Variants in SLC9B2 observed in about 807,000 individuals in gnomAD.
The protein encoded by SLC9B2 is sodium/hydrogen exchanger 9B2.
SLC9B2 carries 39 observed loss-of-function variants against 52.2 expected under a neutral mutation model. The ratio of observed to expected loss-of-function variants is 0.75; its 90% CI spans 0.58 to 0.98. The LOEUF (loss-of-function observed/expected upper bound fraction) is 0.98, where lower values mean the gene tolerates loss of function less well. SLC9B2 is among the 50% of genes least tolerant of loss of function. The probability of loss-of-function intolerance (pLI) is 0.00; values close to 1 mark genes in which losing one functional copy is unlikely to be tolerated. For synonymous variants in SLC9B2, 214 were observed against 227.0 expected (o/e 0.94, Z 0.51); for missense variants, 626 against 637.5 (o/e 0.98, Z 0.19).
chr4:103,046,971 C>A, intron 7 of SLC9B2, 80 bp downstream of exon 7: 1 of 1,483,002 alleles, frequency 6.7e-7, no homozygotes, highest in African/African-American at 1.4e-5. Context: ...AATTATCAAG[C>A]AAATATGTCA....
At chr4:103,021,567 C>G (rs1741793484), downstream of SLC9B2, among the ~76,000 whole-genome samples, 1 of 152,040 alleles carries the variant, frequency 6.6e-6, no homozygotes, top group Non-Finnish European at 1.5e-5. Context: ...ATATTTGCAA[C>G]AAAGTCATGG....
chr4:103,049,037 G>T lies in SLC9B2; in HGVS notation c.586-17C>A. On this transcript the variant is annotated splice_polypyrimidine_tract_variant and intron_variant, in intron 5 of 11. Transcript: ENST00000394785. ...CTTCAGGGCCTGAAATAGAAAAGTA[G>T]ACATCCTAATATAATCCTCTGAAGA... is the stretch of plus-strand genomic sequence containing the variant. The T allele has an allele frequency of 1.2e-6, 2 of 1,611,674 alleles. No individual in the cohort carries two copies. Among genetic ancestry groups the T allele is most frequent in the Non-Finnish European group, 8.5e-7 (1 of 1,178,794 alleles).
downstream of SLC9B2, among the ~76,000 whole-genome samples, chr4:103,021,365 T>G (rs184070259): frequency 3.3e-5 from 5 of 152,260 alleles, no homozygotes; most frequent in East Asian, 9.7e-4. Flanking sequence ...CCAAATGCCA[T>G]GAAGCAATTC....
At chr4:103,036,551 AC>A (rs1743192618) in intron 9 of SLC9B2, among the ~76,000 whole-genome samples, 1 of 152,206 alleles carries the variant, frequency 6.6e-6, no homozygotes, top group Non-Finnish European at 1.5e-5. Flanking sequence ...CATGGGCAAA[AC>A]ATATGCACAA....
At chr4:103,059,685 G>A (rs1181683137) in intron 3 of SLC9B2, among the ~76,000 whole-genome samples, 3 of 152,010 alleles carry the variant, frequency 2.0e-5, no homozygotes, top group Non-Finnish European at 4.4e-5. Flanking sequence ...ATTGCTTGAC[G>A]ATACAAAATA....
At chr4:103,057,252 A>ATATATGTG (rs1428609782) in intron 4 of SLC9B2, among the ~76,000 whole-genome samples, 12 of 47,482 alleles carry the variant, frequency 2.5e-4, no homozygotes, top group African/African-American at 7.2e-4. Context: ...AAGTATATAT[A>ATATATGTG]TATATATATA....
chr4:103,019,866 C>T (rs1741669222), downstream of SLC9B2: 5 of 985,954 alleles, frequency 5.1e-6, no homozygotes, highest in Admixed American at 3.1e-4. Context: ...GACGTCTCTT[C>T]TGAATATTGA....
chr4:103,038,069 C>T (rs1376430214), intron 9 of SLC9B2, among the ~76,000 whole-genome samples: 4 of 151,998 alleles, frequency 2.6e-5, no homozygotes, highest in Non-Finnish European at 5.9e-5. Context: ...GTCATGTTGC[C>T]TAGGCTGGTC....
chr4:103,035,307 C>T (rs1404679371), intron 9 of SLC9B2, among the ~76,000 whole-genome samples: 2 of 152,156 alleles, frequency 1.3e-5, no homozygotes, highest in Admixed American at 6.6e-5. Flanking sequence ...CTGAAAAGGA[C>T]ATGATCTTCT....
chr4:103,045,187 T>C (rs1315673749), intron 7 of SLC9B2, among the ~76,000 whole-genome samples, 191 bp from the exon 8 acceptor site: 1 of 152,196 alleles, frequency 6.6e-6, no homozygotes, highest in Admixed American at 6.5e-5. Context: ...TAGGAAACTT[T>C]AATTAAAAAA....
chr4:103,048,743 T>C, intron 6 of SLC9B2, 150 bp downstream of exon 6: 2 of 979,744 alleles, frequency 2.0e-6, no homozygotes, highest in Non-Finnish European at 2.9e-6. Flanking sequence ...AACTATGTTT[T>C]GAAGTTAGAA....
At chr4:103,061,227 C>T (rs894634574) in intron 3 of SLC9B2, among the ~76,000 whole-genome samples, 5 of 152,146 alleles carry the variant, frequency 3.3e-5, no homozygotes, top group Non-Finnish European at 7.3e-5. Context: ...TATTGAGGCA[C>T]TATTCACAAT....
downstream of SLC9B2, chr4:103,019,598 C>T: frequency 1.0e-6 from 1 of 985,462 alleles, no homozygotes; most frequent in Non-Finnish European, 1.2e-6. Context: ...ATGGGCCGTA[C>T]CTACAACTTC....
At chr4:103,052,736 A>T (rs1744798850) in intron 4 of SLC9B2, among the ~76,000 whole-genome samples, 1 of 149,938 alleles carries the variant, frequency 6.7e-6, no homozygotes. Context: ...TTTTTGAGAC[A>T]GGGTCTTGAT....
chr4:103,043,430 T>G lies in SLC9B2; in HGVS notation c.1012A>C (p.Lys338Gln). The G allele has an allele frequency of 6.2e-7, 1 of 1,606,644 alleles. No individual in the cohort carries two copies. The highest frequency in any genetic ancestry group is 8.5e-7 in the Non-Finnish European group (1 of 1,177,912). ...AACCCCAACACAAGGAATGTTCTCT[T>G]ACACACAAGTTTGTCCTTTAGGAGA... is the stretch of plus-strand genomic sequence containing the variant. ...PSRDQDKLVC[K>Q]RTFLVLGLSV... Residue 338 changes from lysine to glutamine, a missense_variant, in exon 9 of 12, where the codon AAG becomes CAG. Lys to Gln is a moderately conservative substitution (Grantham distance 53). Transcript: ENST00000394785.
In SLC9B2 at chr4:103,049,729, C is replaced by T. The variant is rs117842832; in HGVS notation, c.585+511G>A. ...CTTTCTCCAAGGAAGAGAATGAGAC[C>T]GGCTGGGCGCAGTGGCTCATGCCTG... is the stretch of plus-strand genomic sequence containing the variant. On this transcript the variant is annotated intron_variant, in intron 5 of 11. Transcript: ENST00000394785. Among the ~76,000 whole-genome samples the T allele has an allele frequency of 2.0e-4, 30 of 152,182 alleles. No individual in the cohort carries two copies. The East Asian group carries it at 2.5e-3, about 13-fold the overall frequency.
At chr4:103,066,693 T>C (rs895518404) in intron 2 of SLC9B2, among the ~76,000 whole-genome samples, 186 bp from the exon 3 acceptor site, 8 of 152,174 alleles carry the variant, frequency 5.3e-5, no homozygotes, top group African/African-American at 1.9e-4. Context: ...TAGGAGTATT[T>C]AGCACAGTCA....
At position 103,025,287 on chromosome 4, in the gene SLC9B2, G is replaced by C. The variant is rs1483485765; in HGVS notation, c.*1083C>G. On this transcript the variant is annotated 3_prime_UTR_variant, in exon 12 of 12. Transcript: ENST00000394785. Reference sequence around the variant, plus strand: ...TAGTGTTCCATTATTAGAATGCTAAGCCTGTGGGAGTTATTTATATCCCAC... The same window carrying C: ...TAGTGTTCCATTATTAGAATGCTAACCCTGTGGGAGTTATTTATATCCCAC... Among the ~76,000 whole-genome samples, 1 of 152,156 alleles carries C rather than the reference G, an allele frequency of 6.6e-6. No homozygotes were observed.
chr4:103,020,723 T>C (rs201611733), downstream of SLC9B2, among the ~76,000 whole-genome samples: 1 of 152,048 alleles, frequency 6.6e-6, no homozygotes, highest in Non-Finnish European at 1.5e-5. Flanking sequence ...TGCAGCCTCC[T>C]CCTCCTTGGT....
Sources: gnomAD v4.1 joint callset for allele counts (sites outside exome capture counted in the v4.1 genomes callset) on GRCh38, gnomAD v4.1.1 for gene constraint, MANE v1.5 for transcripts, NCBI Gene and HGNC (gene_info 2026-07-23, HGNC 2026-07-21) for gene names.